Variants in CC2D2A observed in about 807,000 individuals in gnomAD.
CC2D2A encodes coiled-coil and C2 domain containing 2A.
Under a neutral mutation model 212.9 loss-of-function variants are expected in CC2D2A, and 155 were observed. The observed-to-expected ratio is 0.73, with a 90% CI of 0.64 to 0.83. The LOEUF (loss-of-function observed/expected upper bound fraction) is 0.83. Ranked by LOEUF, CC2D2A falls within the 40% of genes least tolerant of loss-of-function variation. The pLI is 0.00. For synonymous variants in CC2D2A, 667 were observed against 686.5 expected, an observed-to-expected ratio of 0.97 and a Z score of 0.44; for missense variants, 1,856 against 1,956.2, an observed-to-expected ratio of 0.95 and a Z score of 0.97.
chr4:15,512,198 AATTC>A (rs1716605638), intron 8 of CC2D2A, among the ~76,000 whole-genome samples: 1 of 152,246 alleles, frequency 6.6e-6, no homozygotes. Context: ...CCAGCAATTC[AATTC>A]CACTCTGTGT....
intron 33 of CC2D2A, among the ~76,000 whole-genome samples, chr4:15,591,769 A>G (rs1215874878): frequency 1.3e-5 from 2 of 152,246 alleles, no homozygotes; most frequent in East Asian, 3.8e-4. Flanking sequence ...TTAGTAATCA[A>G]GCAGGGTTAA....
intron 19 of CC2D2A, among the ~76,000 whole-genome samples, chr4:15,554,783 G>A (rs1368410788): frequency 6.6e-6 from 1 of 152,216 alleles, no homozygotes; most frequent in Non-Finnish European, 1.5e-5. Flanking sequence ...CAGATACAGA[G>A]GCCCCTCTTC....
rs2109065027 is a variant in CC2D2A, at chr4:15,563,312, C to A, written c.3015-43C>A. On this transcript the variant is annotated intron_variant, in intron 23 of 36. Transcript: ENST00000424120. ...GAAGTCGTCTCACAATTTTGCAGAC[C>A]TTTCTTTTTCTTAGAGTCCTGATCC... is the stretch of plus-strand genomic sequence containing the variant. 2.0e-6 allele frequency: 3 copies of A among 1,532,474 alleles called. 1 individual carries two copies. In the South Asian group the frequency reaches 3.7e-5, roughly 19 times the overall value. 94.9% of individuals were successfully genotyped at this position (1,532,474 alleles called of 1,614,324 possible).
rs185349028 is a variant in CC2D2A, at chr4:15,533,598, A to T, written c.1607+265A>T. On this transcript the variant is annotated intron_variant, in intron 14 of 36. Transcript: ENST00000424120. The stretch of plus-strand genomic sequence containing the variant: ...AACTATGTGCAATCTCTAAGAATAT[A>T]TAGTTTAATATTGCCTGTATTTGAC... The T allele has an allele frequency of 2.2e-3, 652 of 298,596 alleles. 3 individuals are homozygous for T. Among genetic ancestry groups the T allele is most frequent in the Non-Finnish European group, 2.5e-3 (400 of 161,350 alleles). 18.5% of individuals were successfully genotyped at this position (298,596 alleles called of 1,614,324 possible).
At chr4:15,496,236 T>C (rs903478094) in intron 4 of CC2D2A, among the ~76,000 whole-genome samples, 6 of 152,206 alleles carry the variant, frequency 3.9e-5, no homozygotes, top group African/African-American at 1.4e-4. Context: ...TCTAGTTTAA[T>C]TAGGTCCCAC....
intron 4 of CC2D2A, among the ~76,000 whole-genome samples, chr4:15,490,768 A>G (rs1715255257): frequency 6.6e-6 from 1 of 152,204 alleles, no homozygotes; most frequent in Non-Finnish European, 1.5e-5. Flanking sequence ...GAAAACCACA[A>G]GCAGACAGCC....
intron 11 of CC2D2A, among the ~76,000 whole-genome samples, chr4:15,523,042 A>G (rs1717302416): frequency 6.6e-6 from 1 of 151,590 alleles, no homozygotes; most frequent in African/African-American, 2.4e-5. Flanking sequence ...TGAACCTAGG[A>G]GGCGAAGGTT....
intron 19 of CC2D2A, among the ~76,000 whole-genome samples, chr4:15,553,939 T>A (rs137885486): frequency 1.3e-5 from 2 of 152,284 alleles, no homozygotes; most frequent in African/African-American, 4.8e-5. Flanking sequence ...AGTTGCCTCA[T>A]CTCTAAAATA....
chr4:15,494,700 C>A (rs950733311), intron 4 of CC2D2A, among the ~76,000 whole-genome samples: 1 of 152,120 alleles, frequency 6.6e-6, no homozygotes, highest in Admixed American at 6.5e-5. Flanking sequence ...TCCTATGTAC[C>A]CATAGCATTA....
intron 17 of CC2D2A, among the ~76,000 whole-genome samples, chr4:15,548,570 C>CA (rs35130097): frequency 0.19 from 24,290 of 128,578 alleles, 2,140 homozygotes; most frequent in Admixed American, 0.31. Flanking sequence ...TTAATTCTGG[C>CA]AAAAAAAAAA....
chr4:15,532,828 A>G (rs1717918401), intron 13 of CC2D2A, among the ~76,000 whole-genome samples: 1 of 152,234 alleles, frequency 6.6e-6, no homozygotes, highest in African/African-American at 2.4e-5. Flanking sequence ...GGAAGACTTT[A>G]CATGTATTTG....
chr4:15,480,965 G>A, intron 4 of CC2D2A, 138 bp downstream of exon 4: 1 of 1,007,784 alleles, frequency 9.9e-7, no homozygotes, highest in Non-Finnish European at 1.4e-6. Context: ...CCCCAACTTG[G>A]TGAGTGACTC....
At chr4:15,540,735 G>C in intron 16 of CC2D2A, 102 bp from the exon 17 acceptor site, 2 of 1,055,328 alleles carry the variant, frequency 1.9e-6, no homozygotes, top group South Asian at 3.1e-5. Flanking sequence ...TGGGAGAGTT[G>C]CCTGCAGTGT....
chr4:15,545,966 T>C (rs372847313), intron 17 of CC2D2A, among the ~76,000 whole-genome samples: 1 of 151,988 alleles, frequency 6.6e-6, no homozygotes, highest in Non-Finnish European at 1.5e-5. Context: ...AAAAATTAGC[T>C]GGGCATGGTG....
chr4:15,504,958 C>T (rs1577331612), intron 6 of CC2D2A, among the ~76,000 whole-genome samples: 2 of 152,360 alleles, frequency 1.3e-5, no homozygotes, highest in African/African-American at 4.8e-5. Flanking sequence ...CTGCCGACCT[C>T]ACTCACTAGT....
intron 23 of CC2D2A, among the ~76,000 whole-genome samples, chr4:15,562,016 T>A (rs1054889508): frequency 6.6e-6 from 1 of 152,258 alleles, no homozygotes; most frequent in Non-Finnish European, 1.5e-5. Flanking sequence ...ATGTTATATG[T>A]AAGGCACCCA....
At chr4:15,479,304 C>A (rs1465978463) in intron 3 of CC2D2A, 6 of 1,537,020 alleles carry the variant, frequency 3.9e-6, no homozygotes, top group Non-Finnish European at 5.2e-6. Flanking sequence ...CTGGGAGCAT[C>A]CCGTGCAGGG....
intron 1 of CC2D2A, among the ~76,000 whole-genome samples, chr4:15,472,115 A>T (rs1488092265): frequency 6.6e-6 from 1 of 152,214 alleles, no homozygotes; most frequent in Non-Finnish European, 1.5e-5. Context: ...AAATGGTGAG[A>T]TGGAGGGGTA....
chr4:15,542,216 G>A (rs764225301), intron 17 of CC2D2A, among the ~76,000 whole-genome samples: 6 of 152,054 alleles, frequency 3.9e-5, no homozygotes, highest in Non-Finnish European at 7.4e-5. Context: ...GTTTCTGGGC[G>A]GACATCAATA....
Sources: gnomAD v4.1 joint callset for allele counts (sites outside exome capture counted in the v4.1 genomes callset) on GRCh38, gnomAD v4.1.1 for gene constraint, MANE v1.5 for transcripts, NCBI Gene and HGNC (gene_info 2026-07-23, HGNC 2026-07-21) for gene names.